LAP3: variants seen among roughly 807,000 people sequenced by gnomAD.
LAP3 encodes the protein leucine aminopeptidase 3.
Under a neutral mutation model 58.8 loss-of-function variants are expected in LAP3, and 46 were observed. The ratio of observed to expected loss-of-function variants is 0.78; its 90% CI spans 0.62 to 1.00. LAP3 has a LOEUF of 1.00. LAP3 is among the 50% of genes least tolerant of loss of function. The probability of loss-of-function intolerance (pLI) is 0.00; values close to 1 mark genes in which losing one functional copy is unlikely to be tolerated. For missense variants in LAP3, 615 were observed against 659.1 expected (o/e 0.93, Z 0.73); for synonymous variants, 257 against 237.7 (o/e 1.08, Z -0.75).
chr4:17,583,501 A>C lies in LAP3; in HGVS notation c.398A>C (p.Gln133Pro). ...AAVAAGCRQI[Q>P]DLELSSVEVD... The stretch of plus-strand genomic sequence containing the variant: ...TTTCAAGCGGGGTGCAGGCAGATTC[A>C]AGACCTGGAGCTCTCGTCTGTGGAG... Residue 133 changes from glutamine (Q) to proline (P), a missense_variant, in exon 5 of 13, where the codon CAA becomes CCA. By Grantham distance (76) the Gln-to-Pro change is moderately conservative. Transcript: ENST00000226299. 8 of 1,613,976 alleles carry C rather than the reference A, an allele frequency of 5.0e-6. No homozygotes were observed. Among genetic ancestry groups the C allele is most frequent in the Non-Finnish European group, 5.9e-6 (7 of 1,180,024 alleles).
At chr4:17,581,205 T>A (rs866869836) in intron 2 of LAP3, among the ~76,000 whole-genome samples, 2 of 152,356 alleles carry the variant, frequency 1.3e-5, no homozygotes, top group Middle Eastern at 3.4e-3. Context: ...CACATAGATA[T>A]ACAACCTCCA....
chr4:17,590,475 C>T (rs992604335), intron 7 of LAP3, among the ~76,000 whole-genome samples: 1 of 152,152 alleles, frequency 6.6e-6, no homozygotes, highest in African/African-American at 2.4e-5. Flanking sequence ...CCTGGTATAG[C>T]CCATCAGTAA....
At chr4:17,585,974 T>G (rs1170373017) in intron 6 of LAP3, 1 of 152,238 alleles carries the variant, frequency 6.6e-6, no homozygotes, top group Non-Finnish European at 1.5e-5. Flanking sequence ...CTTATTTTGG[T>G]GAATTATTCC....
intron 8 of LAP3, among the ~76,000 whole-genome samples, chr4:17,596,615 A>T (rs766369730): frequency 4.1e-4 from 63 of 152,222 alleles, no homozygotes; most frequent in Non-Finnish European, 7.5e-4. Flanking sequence ...CTGGGATTAC[A>T]GGCATGAGCC....
intron 11 of LAP3, among the ~76,000 whole-genome samples, 196 bp downstream of exon 11, chr4:17,604,863 T>A (rs1425768795): frequency 1.3e-5 from 2 of 152,164 alleles, no homozygotes; most frequent in Admixed American, 6.5e-5. Flanking sequence ...AAGGAGGGGA[T>A]GATGCCCCCT....
chr4:17,584,999 A>C lies in LAP3; in HGVS notation c.567A>C (p.Gly189=), dbSNP rs1025330887. ...GSGDQEAWQK[G]VLFASGQNLA... Reference sequence around the variant, plus strand: ...GGGATCAGGAGGCCTGGCAGAAAGGAGTCCTGTTTGCTTCTGGGCAGAACT... The same window carrying C: ...GGGATCAGGAGGCCTGGCAGAAAGGCGTCCTGTTTGCTTCTGGGCAGAACT... Residue 189 remains glycine, a synonymous_variant, in exon 6 of 13, where the codon GGA becomes GGC. Coordinates refer to ENST00000226299, the MANE Select transcript of LAP3 (RefSeq NM_015907.3). 1 of 1,614,036 alleles carries C rather than the reference A, an allele frequency of 6.2e-7. No homozygotes were observed. The highest frequency in any genetic ancestry group is 8.5e-7 in the Non-Finnish European group (1 of 1,179,974).
rs12509306 is a variant in LAP3 at position 17,602,070 on chromosome 4, G to A, written c.1181-2518G>A. On this transcript the variant is annotated intron_variant, in intron 10 of 12. Coordinates refer to ENST00000226299, the MANE Select transcript of LAP3 (RefSeq NM_015907.3). ...TTGGACATACTTTGCATTGCAGGGA[G>A]CAAATGCCACCTTGTGAAGACTATA... 9.4e-3 allele frequency among the ~76,000 whole-genome samples: 1,427 copies of A among 152,298 alleles called. 24 individuals carry two copies. The highest frequency in any genetic ancestry group is 0.032 in the African/African-American group (1,337 of 41,546).
At chr4:17,603,813 CTT>C (rs563546560) in intron 10 of LAP3, among the ~76,000 whole-genome samples, 1 of 101,004 alleles carries the variant, frequency 9.9e-6, no homozygotes. Flanking sequence ...TGCGCCTGGC[CTT>C]TTTTTTTTTT....
chr4:17,578,228 A>G (rs748785065), intron 1 of LAP3, among the ~76,000 whole-genome samples: 46 of 152,330 alleles, frequency 3.0e-4, no homozygotes, highest in Non-Finnish European at 5.4e-4. Context: ...CTGTCCCTGC[A>G]GAAGAACGTT....
chr4:17,598,566 C>A lies in LAP3; in HGVS notation c.1180+8C>A, dbSNP rs755333322. 6.3e-7 allele frequency: 1 copy of A among 1,586,068 alleles called. No homozygotes were observed. The highest frequency in any genetic ancestry group is 8.7e-7 in the Non-Finnish European group (1 of 1,154,744). On this transcript the variant is annotated splice_region_variant and intron_variant, in intron 10 of 12. Transcript: ENST00000226299. ...ATGCCGCCACCTTAACAGGTCAGACCGCGCACTTGCCTTGATTTTGTTTGA... is the reference window on the plus strand; with the variant it reads ...ATGCCGCCACCTTAACAGGTCAGACAGCGCACTTGCCTTGATTTTGTTTGA...
At chr4:17,597,023 C>T in intron 8 of LAP3, 23 bp from the exon 9 acceptor site, 2 of 1,610,314 alleles carry the variant, frequency 1.2e-6, no homozygotes, top group Non-Finnish European at 1.7e-6. Context: ...ATACTGTGTG[C>T]CTTCATATAT....
At chr4:17,603,685 T>C (rs1206914344) in intron 10 of LAP3, among the ~76,000 whole-genome samples, 1 of 151,784 alleles carries the variant, frequency 6.6e-6, no homozygotes. Flanking sequence ...CGACTAATTT[T>C]GTATTTTTAG....
At chr4:17,579,443 A>G (rs1169373116) in intron 1 of LAP3, among the ~76,000 whole-genome samples, 1 of 152,198 alleles carries the variant, frequency 6.6e-6, no homozygotes, top group African/African-American at 2.4e-5. Flanking sequence ...AAAATAACTA[A>G]TGTGCCAAAG....
At chr4:17,600,274 A>G (rs16895270) in intron 10 of LAP3, among the ~76,000 whole-genome samples, 2,526 of 152,058 alleles carry the variant, frequency 0.017, 81 homozygotes, top group African/African-American at 0.058. Flanking sequence ...TCCCTTTTGT[A>G]TGTAGGTCTA....
intron 10 of LAP3, among the ~76,000 whole-genome samples, chr4:17,601,089 T>C (rs1229057277): frequency 6.6e-6 from 1 of 152,228 alleles, no homozygotes; most frequent in Admixed American, 6.5e-5. Context: ...TTTCATTTTC[T>C]TAATGCTTGG....
chr4:17,599,065 G>T (rs1713923330), intron 10 of LAP3, among the ~76,000 whole-genome samples: 1 of 151,930 alleles, frequency 6.6e-6, no homozygotes, highest in Non-Finnish European at 1.5e-5. Context: ...TAGAGATGGG[G>T]TTTAACCATG....
chr4:17,584,506 C>G (rs1189938564), intron 5 of LAP3, among the ~76,000 whole-genome samples: 2 of 152,186 alleles, frequency 1.3e-5, no homozygotes, highest in East Asian at 3.8e-4. Flanking sequence ...GGAGCCCCGA[C>G]TTAGGTAAAA....
Position 17,597,066 on chromosome 4 carries a change from A to G in LAP3, c.1009A>G (p.Asn337Asp), listed in dbSNP as rs748335816. The G allele has an allele frequency of 5.0e-6, 8 of 1,614,228 alleles. No homozygotes were observed. The highest frequency in any genetic ancestry group is 6.8e-6 in the Non-Finnish European group (8 of 1,180,038). Residue 337 changes from asparagine to aspartate, a missense_variant, in exon 9 of 13, where the codon AAT (asparagine) becomes GAT (aspartate). By Grantham distance (23) the Asn-to-Asp change is conservative. Transcript: ENST00000226299. ...AATAGGTCTGGCCCCTCTTTGTGAA[A>G]ATATGCCCAGCGGCAAGGCCAACAA... ...NIIGLAPLCE[N>D]MPSGKANKPG... is the part of the protein sequence containing the mutation.
chr4:17,579,882 G>T lies in LAP3; in HGVS notation c.161G>T (p.Ser54Ile), dbSNP rs747355391. Reference protein sequence around the residue: ...EKEDDVPQFTSAGENFDKLLA... With the variant: ...EKEDDVPQFTIAGENFDKLLA... Reference sequence around the variant, plus strand: ...GAAGATGATGTGCCACAGTTCACAAGTGCAGGAGAGAATTTTGATAAATTG... The same window carrying T: ...GAAGATGATGTGCCACAGTTCACAATTGCAGGAGAGAATTTTGATAAATTG... The change falls in exon 2 of 13, where the codon AGT becomes ATT. Residue 54 changes from serine (S) to isoleucine (I), a missense_variant. Coordinates refer to ENST00000226299, the MANE Select transcript of LAP3 (RefSeq NM_015907.3). The T allele has an allele frequency of 1.9e-6, 3 of 1,612,622 alleles. No individual in the cohort carries two copies. The highest frequency in any genetic ancestry group is 2.5e-6 in the Non-Finnish European group (3 of 1,179,294).
Sources: gnomAD v4.1 joint callset for allele counts (sites outside exome capture counted in the v4.1 genomes callset) on GRCh38, gnomAD v4.1.1 for gene constraint, MANE v1.5 for transcripts, NCBI Gene and HGNC (gene_info 2026-07-23, HGNC 2026-07-21) for gene names.